KCNJ16: variants seen among roughly 807,000 people sequenced by gnomAD.
KCNJ16 encodes inward rectifier potassium channel 16.
Under a neutral mutation model 18.5 loss-of-function variants are expected in KCNJ16, and 15 were observed. That is an observed-to-expected ratio of 0.81 (90% CI 0.54 to 1.25). KCNJ16 has a LOEUF of 1.25. KCNJ16 is among the 50% of genes most tolerant of loss of function. The pLI is 0.00. For synonymous variants in KCNJ16, 174 were observed against 186.5 expected, an observed-to-expected ratio of 0.93 and a Z score of 0.55; for missense variants, 523 against 525.7, an observed-to-expected ratio of 0.99 and a Z score of 0.05.
intron 2 of KCNJ16, among the ~76,000 whole-genome samples, chr17:70,111,929 AG>A (rs1451407723): frequency 1.3e-5 from 2 of 152,144 alleles, no homozygotes; most frequent in Non-Finnish European, 2.9e-5. Flanking sequence ...ACCCAGTCTC[AG>A]GTATGTCTTT....
intron 2 of KCNJ16, among the ~76,000 whole-genome samples, chr17:70,116,618 G>C (rs944041630): frequency 6.6e-6 from 1 of 151,940 alleles, no homozygotes; most frequent in Non-Finnish European, 1.5e-5. Context: ...TTCAATTATA[G>C]CCTTAACAAA....
At chr17:70,128,250 T>C (rs554554103) in intron 2 of KCNJ16, 3 of 152,336 alleles carry the variant, frequency 2.0e-5, no homozygotes, top group Admixed American at 1.3e-4. Flanking sequence ...TACTAAATTA[T>C]TAAAAGTTTC....
intron 1 of KCNJ16, among the ~76,000 whole-genome samples, chr17:70,084,485 T>C (rs1465177917): frequency 6.6e-6 from 1 of 152,198 alleles, no homozygotes; most frequent in East Asian, 1.9e-4. Flanking sequence ...CTTTTAACAA[T>C]TTTTCAGAGT....
chr17:70,090,945 GT>G lies in KCNJ16; in HGVS notation c.-299-9709del, dbSNP rs1285134074. ...AAAATCCTTAGCCTAACCGGTGAAT[GT>G]TTTCCCAGTTTTGACTCAGCTTGAT... On this transcript the variant is annotated intron_variant, in intron 1 of 3. Transcript: ENST00000392671. Among the ~76,000 whole-genome samples the G allele has an allele frequency of 3.3e-5, 5 of 152,292 alleles. No homozygotes were observed. In the East Asian group the frequency reaches 9.6e-4, roughly 29 times the overall value.
intron 2 of KCNJ16, among the ~76,000 whole-genome samples, chr17:70,123,801 T>C (rs183366103): frequency 3.9e-4 from 60 of 152,306 alleles, no homozygotes; most frequent in African/African-American, 1.3e-3. Context: ...TTCTGGAGCT[T>C]GGACTGTAAC....
chr17:70,121,414 G>A (rs12452265), intron 2 of KCNJ16, among the ~76,000 whole-genome samples: 8 of 152,112 alleles, frequency 5.3e-5, no homozygotes, highest in Non-Finnish European at 1.5e-5. Context: ...TTGGCCCTCA[G>A]GCTGCAGTTT....
At chr17:70,107,672 T>C (rs938269580) in intron 2 of KCNJ16, among the ~76,000 whole-genome samples, 3 of 149,428 alleles carry the variant, frequency 2.0e-5, no homozygotes, top group African/African-American at 7.6e-5. Context: ...ATGACAAATA[T>C]GGCTCACAAT....
rs552870810 is a variant in KCNJ16 at position 70,093,901 on chromosome 17, G to A, written c.-299-6757G>A. ...TATGGTTAGGTGTCAGCAAGCAGGCGATCTTAGTACAGATAACAAAAAATA... is the reference window on the plus strand; with the variant it reads ...TATGGTTAGGTGTCAGCAAGCAGGCAATCTTAGTACAGATAACAAAAAATA... On this transcript the variant is annotated intron_variant, in intron 1 of 3. Transcript: ENST00000392671. 2.3e-4 allele frequency among the ~76,000 whole-genome samples: 35 copies of A among 151,380 alleles called. No individual in the cohort carries two copies. The South Asian group carries it at 4.4e-3, about 19-fold the overall frequency.
rs2074032838 is a variant in KCNJ16 at position 70,130,935 on chromosome 17, G to A, written c.-134G>A. ...TTTAAATTTCACTTTGACTTGAGCT[G>A]GGAAATCCTTTGGCCTATTATACCA... On this transcript the variant is annotated 5_prime_UTR_variant, in exon 3 of 4. Transcript: ENST00000392671. 1 of 1,532,530 alleles carries A rather than the reference G, an allele frequency of 6.5e-7. No individual in the cohort carries two copies. Among genetic ancestry groups the A allele is most frequent in the Admixed American group, 2.0e-5 (1 of 50,944 alleles). The allele number at this position is 1,532,530 out of a possible 1,614,324, so 94.9% of individuals were successfully genotyped here.
chr17:70,095,272 ACAAC>A (rs370104986), intron 1 of KCNJ16, among the ~76,000 whole-genome samples: 126,745 of 151,980 alleles, frequency 0.83, 53,001 homozygotes, highest in East Asian at 0.96. Flanking sequence ...GTAAGACAAA[ACAAC>A]TTTGACCATA....
At chr17:70,106,471 C>T (rs2072930821) in intron 2 of KCNJ16, among the ~76,000 whole-genome samples, 1 of 152,042 alleles carries the variant, frequency 6.6e-6, no homozygotes, top group Non-Finnish European at 1.5e-5. Context: ...AGGAGAGAAA[C>T]TGATAGAGAG....
chr17:70,093,365 CGG>C (rs1323360001), intron 1 of KCNJ16, among the ~76,000 whole-genome samples: 3 of 152,140 alleles, frequency 2.0e-5, no homozygotes, highest in African/African-American at 7.2e-5. Context: ...CTGCTAGCCC[CGG>C]GCTTTCCTTC....
chr17:70,120,215 C>T (rs1180735161), intron 2 of KCNJ16, among the ~76,000 whole-genome samples: 2 of 152,138 alleles, frequency 1.3e-5, no homozygotes, highest in Non-Finnish European at 2.9e-5. Context: ...CATCTGAGAC[C>T]GTGTCAGCCT....
intron 2 of KCNJ16, among the ~76,000 whole-genome samples, chr17:70,125,994 G>A (rs1046757311): frequency 1.3e-5 from 2 of 151,998 alleles, no homozygotes; most frequent in African/African-American, 2.4e-5. Flanking sequence ...CTCTATAGAC[G>A]GGGCAGAGCA....
intron 2 of KCNJ16, chr17:70,108,367 T>C (rs539590462): frequency 3.3e-4 from 50 of 152,276 alleles, no homozygotes; most frequent in African/African-American, 8.2e-4. Context: ...AGTCACGCAG[T>C]TGAGGTCAGG....
intron 1 of KCNJ16, among the ~76,000 whole-genome samples, chr17:70,082,921 A>C (rs73998751): frequency 0.11 from 16,872 of 152,176 alleles, 1,052 homozygotes; most frequent in African/African-American, 0.18. Context: ...TTTTAAAGTA[A>C]GTAATTCTCC....
At position 70,131,759 on chromosome 17, in the gene KCNJ16, G is replaced by T. The variant is rs28664046; in HGVS notation, c.-93-236G>T. Among the ~76,000 whole-genome samples, 921 of 152,244 alleles carry T rather than the reference G, an allele frequency of 6.0e-3. 11 individuals carry two copies. The highest frequency in any genetic ancestry group is 0.02 in the African/African-American group (829 of 41,544). ...TGAGGCATCATTTGGGATAATCACAGTGTTTACCCAAGCCTTATTCATATA... is the reference window on the plus strand; with the variant it reads ...TGAGGCATCATTTGGGATAATCACATTGTTTACCCAAGCCTTATTCATATA... On this transcript the variant is annotated intron_variant, in intron 3 of 3. Transcript: ENST00000392671.
chr17:70,131,166 C>T (rs1198332183), intron 3 of KCNJ16, among the ~76,000 whole-genome samples, 191 bp downstream of exon 3: 3 of 125,234 alleles, frequency 2.4e-5, no homozygotes, highest in Non-Finnish European at 4.8e-5. Flanking sequence ...GGACTCTATT[C>T]AGAGGGAAAG....
Position 70,132,560 on chromosome 17 carries a change from G to A in KCNJ16, c.473G>A (p.Cys158Tyr). ...LMVILQSILS[C>Y]IINTFIIGAA... ...GTGATCCTCCAGTCCATCTTAAGTT[G>A]CATCATAAATACCTTTATCATTGGA... Residue 158 changes from cysteine to tyrosine, a missense_variant, in exon 4 of 4, where the codon TGC becomes TAC. Physicochemically the swap from Cys to Tyr is radical, Grantham distance 194. Coordinates refer to ENST00000392671, the MANE Select transcript of KCNJ16 (RefSeq NM_170741.4). The A allele has an allele frequency of 1.2e-6, 2 of 1,614,180 alleles. No individual in the cohort carries two copies. The highest frequency in any genetic ancestry group is 1.1e-5 in the South Asian group (1 of 91,080).
Sources: gnomAD v4.1 joint callset for allele counts (sites outside exome capture counted in the v4.1 genomes callset) on GRCh38, gnomAD v4.1.1 for gene constraint, MANE v1.5 for transcripts, NCBI Gene and HGNC (gene_info 2026-07-23, HGNC 2026-07-21) for gene names.